Variants in ARHGAP35 observed in about 807,000 individuals in gnomAD.
ARHGAP35 encodes the protein rho GTPase-activating protein 35.
A neutral mutation model predicts 111.1 loss-of-function variants in ARHGAP35; 15 were observed. That is an observed-to-expected ratio of 0.13 (90% CI 0.09 to 0.21). The LOEUF is 0.21. Among genes scored for constraint, ARHGAP35 ranks in the 10% least tolerant of loss-of-function variants. The pLI is 1.00. For synonymous variants in ARHGAP35, 643 were observed against 710.3 expected (o/e 0.91, Z 1.51); for missense variants, 1,262 against 1,873.0 (o/e 0.67, Z 6.02).
intron 2 of ARHGAP35, among the ~76,000 whole-genome samples, chr19:46,927,672 A>G (rs2056246533): frequency 6.6e-6 from 1 of 152,152 alleles, no homozygotes; most frequent in Non-Finnish European, 1.5e-5. Flanking sequence ...CGTGTCAGGC[A>G]TTTTCACATC....
At chr19:46,894,539 G>A (rs1415471039) in intron 1 of ARHGAP35, among the ~76,000 whole-genome samples, 1 of 150,000 alleles carries the variant, frequency 6.7e-6, no homozygotes, top group Non-Finnish European at 1.5e-5. Context: ...TCTGCCTCCT[G>A]GGTTCAAGCG....
At position 46,940,359 on chromosome 19, in the gene ARHGAP35, CAA is replaced by C. The variant is rs529022109; in HGVS notation, c.3826+2969_3826+2970del. Among the ~76,000 whole-genome samples, 1,088 of 114,014 alleles carry C rather than the reference CAA, an allele frequency of 9.5e-3. 5 individuals are homozygous for C. Among genetic ancestry groups the C allele is most frequent in the South Asian group, 0.022 (73 of 3,316 alleles). 74.8% of individuals were successfully genotyped at this position (114,014 alleles called of 152,430 possible). Reference sequence around the variant, plus strand: ...GGCCAACAAGAGCAAAACTGTGTCTCAAAAAAAAAAAAAAAAAAATTAGCTGG... The same window carrying C: ...GGCCAACAAGAGCAAAACTGTGTCTCAAAAAAAAAAAAAAAAATTAGCTGG... On this transcript the variant is annotated intron_variant, in intron 3 of 6. Transcript: ENST00000672722.
At chr19:46,882,895 T>C (rs1272698652) in intron 1 of ARHGAP35, among the ~76,000 whole-genome samples, 1 of 152,234 alleles carries the variant, frequency 6.6e-6, no homozygotes, top group Non-Finnish European at 1.5e-5. Context: ...AGTAGCACTT[T>C]TAATTTCTTT....
intron 1 of ARHGAP35, among the ~76,000 whole-genome samples, chr19:46,916,383 C>G (rs1206683748): frequency 6.6e-6 from 1 of 152,134 alleles, no homozygotes; most frequent in East Asian, 1.9e-4. Flanking sequence ...TGTGCACACT[C>G]TGTCCCTCTG....
chr19:46,990,334 G>C (rs1317944152), intron 5 of ARHGAP35, among the ~76,000 whole-genome samples: 1 of 152,246 alleles, frequency 6.6e-6, no homozygotes, highest in Non-Finnish European at 1.5e-5. Context: ...CTGTAGAGGT[G>C]TTTGTCCAGA....
chr19:46,889,872 T>C (rs1252178776), intron 1 of ARHGAP35, among the ~76,000 whole-genome samples: 2 of 151,734 alleles, frequency 1.3e-5, no homozygotes, highest in Non-Finnish European at 1.5e-5. Flanking sequence ...AAATGGTTAG[T>C]GTTTTGGGTT....
rs117785001 is a variant in ARHGAP35, at chr19:46,928,108, T to C, written c.3681+5752T>C. On this transcript the variant is annotated intron_variant, in intron 2 of 6. Transcript: ENST00000672722. ...GCAACTGGAACTTTGAGAAATTGTT[T>C]CTCACTGGTGTCACTCGATTCTCAG... is the stretch of plus-strand genomic sequence containing the variant. 7.9e-3 allele frequency among the ~76,000 whole-genome samples: 1,208 copies of C among 152,296 alleles called. 7 individuals are homozygous for C. Among genetic ancestry groups the C allele is most frequent in the Middle Eastern group, 0.037 (11 of 294 alleles).
At chr19:46,905,560 C>G (rs1405765713) in intron 1 of ARHGAP35, among the ~76,000 whole-genome samples, 2 of 145,712 alleles carry the variant, frequency 1.4e-5, no homozygotes, top group African/African-American at 2.5e-5. Flanking sequence ...ATTCCACCCC[C>G]CCCCCCCAAG....
At position 46,922,204 on chromosome 19, in the gene ARHGAP35, G is replaced by A. The variant is rs371111690; in HGVS notation, c.3529G>A (p.Val1177Met). The change falls in exon 2 of 7, where the codon GTG becomes ATG. Residue 1177 changes from valine (V) to methionine (M), a missense_variant. By Grantham distance (21) the Val-to-Met change is conservative. Coordinates refer to ENST00000672722, the MANE Select transcript of ARHGAP35 (RefSeq NM_004491.5). The surrounding 1 kb of genome is among the most constrained non-coding windows in gnomAD (Gnocchi z 4.0). Reference sequence around the variant, plus strand: ...TGCTAGTTACCGGACCAGCTTCAGCGTGGGGAGTGATGATGAGCTGGGGCC... The same window carrying A: ...TGCTAGTTACCGGACCAGCTTCAGCATGGGGAGTGATGATGAGCTGGGGCC... ...RFASYRTSFS[V>M]GSDDELGPIR... 106 of 1,613,906 alleles carry A rather than the reference G, an allele frequency of 6.6e-5. No homozygotes were observed. Among genetic ancestry groups the A allele is most frequent in the Middle Eastern group, 3.3e-4 (2 of 6,084 alleles).
chr19:46,939,034 T>A (rs1396370582), intron 3 of ARHGAP35, among the ~76,000 whole-genome samples: 1 of 152,166 alleles, frequency 6.6e-6, no homozygotes. Context: ...AGAGAAATAA[T>A]TCCCCCCAGG....
Position 46,993,451 on chromosome 19 carries a change from G to T in ARHGAP35, c.4036+3776G>T, listed in dbSNP as rs757917360. On this transcript the variant is annotated intron_variant, in intron 5 of 6. Transcript: ENST00000672722. This position sits in a 1 kb window ranked among gnomAD's most constrained non-coding sequence, Gnocchi z 4.6. ...GGCGCAGCACAGCCAGGGCAGGAGT[G>T]TTCTTTGGGAACAGGGTCTCTGCCG... 6.6e-6 allele frequency among the ~76,000 whole-genome samples: 1 copy of T among 152,256 alleles called. No homozygotes were observed. The highest frequency in any genetic ancestry group is 1.5e-5 in the Non-Finnish European group (1 of 68,042).
Position 46,920,315 on chromosome 19 carries a change from A to T in ARHGAP35, c.1640A>T (p.His547Leu), listed in dbSNP as rs2056190794. Residue 547 changes from histidine to leucine, a missense_variant, in exon 2 of 7, where the codon CAC becomes CTC. Physicochemically the swap from His to Leu is moderately conservative, Grantham distance 99. Transcript: ENST00000672722. The surrounding 1 kb of genome is among the most constrained non-coding windows in gnomAD (Gnocchi z 7.0). Reference sequence around the variant, plus strand: ...GAGCGTGATGCCCTTATTCTGAAACACATTCATTTTGTGTACCACCCAACA... The same window carrying T: ...GAGCGTGATGCCCTTATTCTGAAACTCATTCATTTTGTGTACCACCCAACA... ...QAERDALILK[H>L]IHFVYHPTKE... 6.2e-7 allele frequency: 1 copy of T among 1,613,908 alleles called. No homozygotes were observed. Among genetic ancestry groups the T allele is most frequent in the Admixed American group, 1.7e-5 (1 of 60,008 alleles).
intron 1 of ARHGAP35, among the ~76,000 whole-genome samples, chr19:46,869,327 C>T (rs2122857511): frequency 6.6e-6 from 1 of 152,244 alleles, no homozygotes; most frequent in Non-Finnish European, 1.5e-5. Context: ...CGTGGTGGCT[C>T]ACGCCTGTAA....
Position 47,000,449 on chromosome 19 carries a change from T to A in ARHGAP35, c.4261T>A (p.Tyr1421Asn). 1 of 1,613,752 alleles carries A rather than the reference T, an allele frequency of 6.2e-7. No homozygotes were observed. Among genetic ancestry groups the A allele is most frequent in the Non-Finnish European group, 8.5e-7 (1 of 1,179,840 alleles). ...GGACGCCCTCACAGCCACGCGCACC[T>A]ACCAGACAATCATTGAACTCTTTAT... ...TMDALTATRT[Y>N]QTIIELFIQQ... Residue 1421 changes from tyrosine to asparagine, a missense_variant, in exon 7 of 7, where the codon TAC becomes AAC. By Grantham distance (143) the Tyr-to-Asn change is moderately radical. This residue lies in a region of ARHGAP35 where 23 missense variants were observed against 63.9 expected (regional missense o/e 0.36). Transcript: ENST00000672722. The surrounding 1 kb of genome is among the most constrained non-coding windows in gnomAD (Gnocchi z 6.9).
chr19:46,940,449 A>C (rs2056340094), intron 3 of ARHGAP35, among the ~76,000 whole-genome samples: 1 of 151,814 alleles, frequency 6.6e-6, no homozygotes, highest in Non-Finnish European at 1.5e-5. Flanking sequence ...AATCGTTTGA[A>C]CCCAGAAGGC....
rs969721726 is a variant in ARHGAP35 at position 46,992,510 on chromosome 19, C to G, written c.4036+2835C>G. On this transcript the variant is annotated intron_variant, in intron 5 of 6. Coordinates refer to ENST00000672722, the MANE Select transcript of ARHGAP35 (RefSeq NM_004491.5). The surrounding 1 kb of genome is among the most constrained non-coding windows in gnomAD (Gnocchi z 4.4). ...GTAGCCCACCCCCACCTTCAAGAGT[C>G]GCTCTTGCCTGGTTTCTCCCCGTCT... Among the ~76,000 whole-genome samples the G allele has an allele frequency of 6.6e-6, 1 of 151,980 alleles. No homozygotes were observed. Among genetic ancestry groups the G allele is most frequent in the African/African-American group, 2.4e-5 (1 of 41,382 alleles).
chr19:46,948,127 A>T (rs1187414740), intron 3 of ARHGAP35: 2 of 152,164 alleles, frequency 1.3e-5, no homozygotes, highest in Non-Finnish European at 2.9e-5. Flanking sequence ...TCACAGTTGG[A>T]AGGTGGGGGA....
At chr19:46,929,838 C>T (rs1599827165) in intron 2 of ARHGAP35, among the ~76,000 whole-genome samples, 1 of 150,536 alleles carries the variant, frequency 6.6e-6, no homozygotes, top group Non-Finnish European at 1.5e-5. Flanking sequence ...CACTTGAACC[C>T]AGGAGGTGGA....
intron 3 of ARHGAP35, among the ~76,000 whole-genome samples, chr19:46,981,466 T>G (rs962396707): frequency 7.2e-5 from 11 of 152,246 alleles, no homozygotes; most frequent in Admixed American, 2.6e-4. Flanking sequence ...AAGGAAACTT[T>G]GGAGGAACTG....
Sources: allele counts gnomAD v4.1 joint callset (sites outside exome capture counted in the v4.1 genomes callset), GRCh38; gene constraint gnomAD v4.1.1; regional missense constraint gnomAD v4.1.1; non-coding constraint Gnocchi (gnomAD v3.1); transcripts MANE v1.5; gene names NCBI Gene and HGNC (gene_info 2026-07-23, HGNC 2026-07-21).